The following FAT1 variants were observed in gnomAD, a reference collection of about 807,000 sequenced individuals.
The protein encoded by FAT1 is FAT atypical cadherin 1, also known as protocadherin Fat 1.
FAT1 carries 171 observed loss-of-function variants against 329.8 expected under a neutral mutation model. That is an observed-to-expected ratio of 0.52 (90% CI 0.46 to 0.59). The LOEUF (loss-of-function observed/expected upper bound fraction) is 0.59, where lower values mean the gene tolerates loss of function less well. Ranked by LOEUF, FAT1 falls within the 20% of genes least tolerant of loss-of-function variation. The probability of loss-of-function intolerance (pLI) is 0.00; values close to 1 mark genes in which losing one functional copy is unlikely to be tolerated. For synonymous variants in FAT1, 2,233 were observed against 2,228.6 expected (o/e 1.00, Z -0.06); for missense variants, 5,672 against 5,774.4 (o/e 0.98, Z 0.57).
At chr4:186,605,695 A>G (rs1172543230) in intron 17 of FAT1, among the ~76,000 whole-genome samples, 2 of 148,242 alleles carry the variant, frequency 1.3e-5, no homozygotes, top group Non-Finnish European at 3.0e-5. Flanking sequence ...GAGTGGGGTG[A>G]AGAAAGTGGA....
intron 6 of FAT1, among the ~76,000 whole-genome samples, chr4:186,635,274 C>A (rs909773687): frequency 6.7e-6 from 1 of 150,182 alleles, no homozygotes; most frequent in Non-Finnish European, 1.5e-5. Context: ...GACTCTTGTT[C>A]TTAAATACCC....
chr4:186,617,654 GCTT>G, intron 10 of FAT1, 51 bp downstream of exon 10: 1 of 1,407,844 alleles, frequency 7.1e-7, no homozygotes, highest in Non-Finnish European at 9.6e-7. Context: ...TATACTTTAT[GCTT>G]CTAAAAATCA....
chr4:186,690,226 T>C (rs1743689299), intron 2 of FAT1, among the ~76,000 whole-genome samples: 1 of 152,236 alleles, frequency 6.6e-6, no homozygotes, highest in Non-Finnish European at 1.5e-5. Context: ...TCAAGTTTAC[T>C]ATTCATTAGA....
intron 1 of FAT1, among the ~76,000 whole-genome samples, chr4:186,714,098 G>A (rs934158869): frequency 1.3e-5 from 2 of 152,270 alleles, no homozygotes; most frequent in South Asian, 2.1e-4. Flanking sequence ...ATTCTGAACC[G>A]AGGAGTGCCA....
rs2126351992 is a variant in FAT1, at chr4:186,588,888, G to T, written c.13471C>A (p.Pro4491Thr). 2 of 1,613,962 alleles carry T rather than the reference G, an allele frequency of 1.2e-6. No individual in the cohort carries two copies. Among genetic ancestry groups the T allele is most frequent in the Non-Finnish European group, 1.7e-6 (2 of 1,179,884 alleles). ...RQRFNLNQYL[P>T]NFYPLDMSEP... is the part of the protein sequence containing the mutation. ...GACATATCGAGGGGATAAAAATTGG[G>T]CAAATACTGATTCAAGTTGAACCTC... is the stretch of plus-strand genomic sequence containing the variant. Residue 4491 changes from proline (P) to threonine (T), a missense_variant, in exon 27 of 27, where the codon CCC (proline) becomes ACC (threonine). Coordinates refer to ENST00000441802, the MANE Select transcript of FAT1 (RefSeq NM_005245.4).
At chr4:186,601,948 T>C (rs1261256179) in intron 20 of FAT1, among the ~76,000 whole-genome samples, 3 of 152,160 alleles carry the variant, frequency 2.0e-5, no homozygotes, top group Non-Finnish European at 4.4e-5. Flanking sequence ...CAGAGGTAAC[T>C]GCAACACTGT....
rs553759185 is a variant in FAT1 at position 186,588,414 on chromosome 4, G to A, written c.*178C>T. 8 of 665,586 alleles carry A rather than the reference G, an allele frequency of 1.2e-5. No homozygotes were observed. The highest frequency in any genetic ancestry group is 4.7e-5 in the South Asian group (2 of 42,588). 41.2% of individuals were successfully genotyped at this position (665,586 alleles called of 1,614,324 possible). ...ATGGCACAGCCGATGAAAACCTCAC[G>A]ATGACAGTAGTTGGGACACTGGAAA... On this transcript the variant is annotated 3_prime_UTR_variant, in exon 27 of 27. Coordinates refer to ENST00000441802, the MANE Select transcript of FAT1 (RefSeq NM_005245.4).
In FAT1 at chr4:186,708,905, G is replaced by C. The variant is rs866303516; in HGVS notation, c.923C>G (p.Ser308Cys). Residue 308 changes from serine (S) to cysteine (C), a missense_variant, in exon 2 of 27, where the codon TCC becomes TGC. Ser to Cys is a moderately radical substitution (Grantham distance 112). Transcript: ENST00000441802. ...DLLQQFRTVRSFPGSKEYKVK... is the reference protein window; with the variant it reads ...DLLQQFRTVRCFPGSKEYKVK... ...TTTATACTCCTTACTCCCTGGAAAG[G>C]ACCTCACTGTTCTAAACTGCTGGAG... 6.2e-7 allele frequency: 1 copy of C among 1,613,936 alleles called. No individual in the cohort carries two copies. Among genetic ancestry groups the C allele is most frequent in the South Asian group, 1.1e-5 (1 of 91,078 alleles).
rs376695610 is a variant in FAT1 at position 186,596,597 on chromosome 4, T to C, written c.12943A>G (p.Asn4315Asp). 1.2e-6 allele frequency: 2 copies of C among 1,612,610 alleles called. No homozygotes were observed. Among genetic ancestry groups the C allele is most frequent in the Non-Finnish European group, 1.7e-6 (2 of 1,179,476 alleles). ...APNLPPPPPS[N>D]SPSDSDSIQK... ...ATGGAGTCGCTGTCAGAAGGGGAGT[T>C]TGAAGGGGGTGGGGGAGGCAGGTTT... The change falls in exon 25 of 27, where the codon AAC becomes GAC. Residue 4315 changes from asparagine to aspartate, a missense_variant. By Grantham distance (23) the Asn-to-Asp change is conservative. Around this residue, in one of 2 missense-constraint regions of FAT1, gnomAD observed 1,706 missense variants for 1,859.1 expected, o/e 0.92. Transcript: ENST00000441802. This position sits in a 1 kb window ranked among gnomAD's most constrained non-coding sequence, Gnocchi z 4.7.
At chr4:186,725,915 C>T (rs772343025), upstream of FAT1, among the ~76,000 whole-genome samples, 42 of 152,106 alleles carry the variant, frequency 2.8e-4, no homozygotes, top group African/African-American at 2.4e-5. This position sits in a 1 kb window ranked among gnomAD's most constrained non-coding sequence, Gnocchi z 5.4. Flanking sequence ...TCAGTGAAGA[C>T]TGGGGTGAGC....
At chr4:186,595,860 G>A (rs368644638) in intron 25 of FAT1, 34 bp from the exon 26 acceptor site, 96 of 1,611,040 alleles carry the variant, frequency 6.0e-5, no homozygotes, top group Non-Finnish European at 8.1e-5. Context: ...TAAGTATATG[G>A]GCCAAGACGG....
At position 186,633,834 on chromosome 4, in the gene FAT1, G is replaced by GA. The variant is rs759705371; in HGVS notation, c.4184-12dup. On this transcript the variant is annotated splice_polypyrimidine_tract_variant and intron_variant, in intron 6 of 26. Coordinates refer to ENST00000441802, the MANE Select transcript of FAT1 (RefSeq NM_005245.4). Reference sequence around the variant, plus strand: ...TGTCGTAGTTGCCACCTAATTTGGGGAAAAAAAAGTAAAAACAGGTCACAG... The same window carrying GA: ...TGTCGTAGTTGCCACCTAATTTGGGGAAAAAAAAAGTAAAAACAGGTCACAG... The GA allele has an allele frequency of 3.1e-6, 5 of 1,611,326 alleles. No individual in the cohort carries two copies. The highest frequency in any genetic ancestry group is 3.4e-6 in the Non-Finnish European group (4 of 1,178,912).
chr4:186,690,719 C>T (rs1411837948), intron 2 of FAT1, among the ~76,000 whole-genome samples: 2 of 151,896 alleles, frequency 1.3e-5, no homozygotes, highest in Non-Finnish European at 2.9e-5. Context: ...GCCCACTATC[C>T]AAATTTAAAG....
chr4:186,603,440 G>T lies in FAT1; in HGVS notation c.11086C>A (p.Leu3696Ile). 6.2e-7 allele frequency: 1 copy of T among 1,613,990 alleles called. No homozygotes were observed. The change falls in exon 19 of 27, where the codon CTT (leucine) becomes ATT (isoleucine). Residue 3696 changes from leucine to isoleucine, a missense_variant. Around this residue, in one of 2 missense-constraint regions of FAT1, gnomAD observed 1,706 missense variants for 1,859.1 expected, o/e 0.92. Coordinates refer to ENST00000441802, the MANE Select transcript of FAT1 (RefSeq NM_005245.4). ...SEPHPHLDVL[L>I]FVEKPGSAQI... is the part of the protein sequence containing the mutation. ...GCACTACCTGGTTTCTCTACAAAAA[G>T]TAAGACGTCCAGATGTGGGTGAGGT...
chr4:186,590,293 T>C, intron 26 of FAT1: 1 of 926,868 alleles, frequency 1.1e-6, no homozygotes, highest in Non-Finnish European at 1.5e-6. Context: ...CCCAGCGTAG[T>C]CAGTCAGCAC....
intron 2 of FAT1, among the ~76,000 whole-genome samples, chr4:186,679,654 G>A (rs927214627): frequency 1.3e-5 from 2 of 150,912 alleles, no homozygotes; most frequent in Non-Finnish European, 2.9e-5. Context: ...CATTCCTAAA[G>A]CTCAAATATT....
intron 4 of FAT1, 23 bp downstream of exon 4, chr4:186,639,699 T>C: frequency 6.5e-7 from 1 of 1,543,622 alleles, no homozygotes; most frequent in South Asian, 1.2e-5. Context: ...TCTTTAAGTA[T>C]TAAAGATAAA....
chr4:186,695,178 A>G (rs1743965043), intron 2 of FAT1, among the ~76,000 whole-genome samples: 1 of 152,226 alleles, frequency 6.6e-6, no homozygotes. Flanking sequence ...TTTTTGCTGA[A>G]TAATGTGCAA....
chr4:186,624,261 T>A (rs766833000), intron 9 of FAT1, among the ~76,000 whole-genome samples: 18 of 150,800 alleles, frequency 1.2e-4, no homozygotes, highest in Non-Finnish European at 2.2e-4. Context: ...GGCAATTATC[T>A]AGACAAACAG....
Sources: gnomAD v4.1 joint callset for allele counts (sites outside exome capture counted in the v4.1 genomes callset) on GRCh38, gnomAD v4.1.1 for gene constraint, gnomAD v4.1.1 regional missense constraint, Gnocchi (gnomAD v3.1) non-coding constraint, MANE v1.5 for transcripts, NCBI Gene and HGNC (gene_info 2026-07-23, HGNC 2026-07-21) for gene names.